TRIM22: variants seen among roughly 807,000 people sequenced by gnomAD.
The protein encoded by TRIM22 is E3 ubiquitin-protein ligase TRIM22.
Under a neutral mutation model 53.6 loss-of-function variants are expected in TRIM22, and 45 were observed. The observed-to-expected ratio is 0.84, with a 90% confidence interval of 0.66 to 1.08. The LOEUF (loss-of-function observed/expected upper bound fraction) is 1.08, where lower values mean the gene tolerates loss of function less well. Among genes scored for constraint, TRIM22 ranks in the 50% least tolerant of loss-of-function variants. The pLI, the probability that TRIM22 is intolerant of heterozygous loss-of-function variation, is 0.00. For synonymous variants in TRIM22, 225 were observed against 216.6 expected, an observed-to-expected ratio of 1.04 and a Z score of -0.34; for missense variants, 616 against 590.9, an observed-to-expected ratio of 1.04 and a Z score of -0.44.
In TRIM22 at chr11:5,708,417, T is replaced by G; in HGVS notation, c.874+144T>G. 3.1e-6 allele frequency: 3 copies of G among 974,840 alleles called. No individual in the cohort carries two copies. The South Asian group carries it at 4.8e-5, about 16-fold the overall frequency. The allele number at this position is 974,840 out of a possible 1,614,324, so 60.4% of individuals were successfully genotyped here. Reference sequence around the variant, plus strand: ...AAATCCTGTGCTGTAGATGTGGTCCTGTCTTAGGGGGAATGACCAGGTGTC... The same window carrying G: ...AAATCCTGTGCTGTAGATGTGGTCCGGTCTTAGGGGGAATGACCAGGTGTC... On this transcript the variant is annotated intron_variant, in intron 6 of 7. Transcript: ENST00000379965.
chr11:5,696,686 G>C (rs369687092), intron 2 of TRIM22, 31 bp downstream of exon 2: 128 of 1,576,094 alleles, frequency 8.1e-5, no homozygotes, highest in East Asian at 6.9e-4. Flanking sequence ...AGAGAGAGCA[G>C]AGAGCAGAAG....
intron 4 of TRIM22, 137 bp from the exon 5 acceptor site, chr11:5,706,457 G>C: frequency 1.9e-6 from 1 of 527,220 alleles, no homozygotes; most frequent in African/African-American, 2.0e-5. Flanking sequence ...TTTAGTATAA[G>C]AATATCTTAA....
intron 4 of TRIM22, among the ~76,000 whole-genome samples, chr11:5,699,466 A>G (rs4376934): frequency 0.75 from 101,335 of 135,724 alleles, 39,371 homozygotes; most frequent in African/African-American, 0.86. Flanking sequence ...GGAGCTTGCA[A>G]TGAACCGAGA....
chr11:5,708,995 A>G lies in TRIM22; in HGVS notation c.902-58A>G, dbSNP rs532909373. 54 of 1,312,072 alleles carry G rather than the reference A, an allele frequency of 4.1e-5. No homozygotes were observed. The African/African-American group carries it at 5.9e-4, about 14-fold the overall frequency. 81.3% of individuals were successfully genotyped at this position (1,312,072 alleles called of 1,614,324 possible). ...TTCATTTTCAATATGTCTCTTCTCAATGCTGTAAGACACACCTATCCCATA... is the reference window on the plus strand; with the variant it reads ...TTCATTTTCAATATGTCTCTTCTCAGTGCTGTAAGACACACCTATCCCATA... On this transcript the variant is annotated intron_variant, in intron 7 of 7. Transcript: ENST00000379965.
chr11:5,700,335 G>A (rs1039458069), intron 4 of TRIM22, among the ~76,000 whole-genome samples: 4 of 151,924 alleles, frequency 2.6e-5, no homozygotes, highest in Non-Finnish European at 4.4e-5. Flanking sequence ...GGCTGGTCTC[G>A]AACTCTTGAG....
In TRIM22 at chr11:5,695,929, A is replaced by C. The variant is rs148247325; in HGVS notation, c.-66-238A>C. On this transcript the variant is annotated intron_variant, in intron 1 of 7. Transcript: ENST00000379965. ...AGCCTCAGTTTGTCCTCTCCAGTAG[A>C]AGAGAAAATAACAATAATTGCCTTG... Among the ~76,000 whole-genome samples, 990 of 152,298 alleles carry C rather than the reference A, an allele frequency of 6.5e-3. 8 individuals carry two copies. Among genetic ancestry groups the C allele is most frequent in the Admixed American group, 9.7e-3 (149 of 15,300 alleles).
chr11:5,705,949 C>A (rs891063545), intron 4 of TRIM22, among the ~76,000 whole-genome samples: 7 of 152,268 alleles, frequency 4.6e-5, no homozygotes, highest in Middle Eastern at 3.4e-3. Flanking sequence ...GGAGGCCAGA[C>A]AAACTTTTAG....
At chr11:5,706,650 C>A (rs1853461102) in intron 5 of TRIM22, 34 bp downstream of exon 5, 2 of 1,585,794 alleles carry the variant, frequency 1.3e-6, no homozygotes, top group East Asian at 2.3e-5. Context: ...TCTTATTTGT[C>A]TGAAAAGAGA....
intron 1 of TRIM22, among the ~76,000 whole-genome samples, chr11:5,694,136 G>C (rs544250848): frequency 6.6e-6 from 1 of 152,332 alleles, no homozygotes; most frequent in African/African-American, 2.4e-5. Flanking sequence ...AAATATACTA[G>C]TTTCAAATAA....
intron 6 of TRIM22, 87 bp from the exon 7 acceptor site, chr11:5,708,490 T>C: frequency 7.5e-7 from 1 of 1,338,574 alleles, no homozygotes; most frequent in South Asian, 1.4e-5. Flanking sequence ...GTATTCCCCC[T>C]TTCCTTTCCC....
chr11:5,705,790 C>G (rs1253472776), intron 4 of TRIM22, among the ~76,000 whole-genome samples: 3 of 152,144 alleles, frequency 2.0e-5, no homozygotes, highest in African/African-American at 7.2e-5. Context: ...GATATTGACA[C>G]TATTCGGGAC....
At chr11:5,696,912 T>A (rs1401943927) in intron 2 of TRIM22, 1 of 528,532 alleles carries the variant, frequency 1.9e-6, no homozygotes, top group Non-Finnish European at 3.3e-6. Flanking sequence ...AAGCTTTCAT[T>A]GCCCCTCCAA....
At chr11:5,699,984 A>G (rs1237323181) in intron 4 of TRIM22, among the ~76,000 whole-genome samples, 1 of 151,950 alleles carries the variant, frequency 6.6e-6, no homozygotes, top group East Asian at 1.9e-4. Flanking sequence ...TGTATATTGC[A>G]ACCTTGCTAT....
chr11:5,702,111 T>C (rs575010414), intron 4 of TRIM22, among the ~76,000 whole-genome samples: 2 of 146,516 alleles, frequency 1.4e-5, no homozygotes, highest in South Asian at 4.2e-4. Flanking sequence ...TATACATAAC[T>C]AATATATATT....
At chr11:5,693,609 G>A (rs1853210396) in intron 1 of TRIM22, among the ~76,000 whole-genome samples, 1 of 150,056 alleles carries the variant, frequency 6.7e-6, no homozygotes, top group African/African-American at 2.5e-5. Context: ...TGTAGTCCCA[G>A]CTACTTGGAG....
chr11:5,707,575 C>T (rs761446014), intron 5 of TRIM22, among the ~76,000 whole-genome samples: 91 of 152,098 alleles, frequency 6.0e-4, no homozygotes, highest in Non-Finnish European at 1.2e-3. Context: ...TTTGGGAAGC[C>T]GAGGCAGGCG....
chr11:5,702,984 G>A (rs1217019621), intron 4 of TRIM22, among the ~76,000 whole-genome samples: 1 of 152,152 alleles, frequency 6.6e-6, no homozygotes, highest in Non-Finnish European at 1.5e-5. Context: ...GTTTGTGTGT[G>A]TATATTCTTT....
At chr11:5,695,909 C>T (rs958763827) in intron 1 of TRIM22, among the ~76,000 whole-genome samples, 3 of 152,126 alleles carry the variant, frequency 2.0e-5, no homozygotes, top group Admixed American at 2.0e-4. Flanking sequence ...AGAAGAGCCT[C>T]AGTTTGTCCT....
Position 5,709,513 on chromosome 11 carries a change from C to A in TRIM22, c.1362C>A (p.Val454=), listed in dbSNP as rs757725500. 6.2e-7 allele frequency: 1 copy of A among 1,614,130 alleles called. No homozygotes were observed. The highest frequency in any genetic ancestry group is 1.3e-5 in the African/African-American group (1 of 75,036). The part of the protein sequence containing the change: ...GVFLDYEAGI[V]SFFNVTNHGA... Reference sequence around the variant, plus strand: ...TCCTAGACTATGAGGCAGGCATTGTCTCATTTTTCAATGTCACAAACCACG... The same window carrying A: ...TCCTAGACTATGAGGCAGGCATTGTATCATTTTTCAATGTCACAAACCACG... The change falls in exon 8 of 8, where the codon GTC becomes GTA. Residue 454 remains valine (V), a synonymous_variant. Coordinates refer to ENST00000379965, the MANE Select transcript of TRIM22 (RefSeq NM_006074.5).
Sources: gnomAD v4.1 joint callset for allele counts (sites outside exome capture counted in the v4.1 genomes callset) on GRCh38, gnomAD v4.1.1 for gene constraint, MANE v1.5 for transcripts, NCBI Gene and HGNC (gene_info 2026-07-23, HGNC 2026-07-21) for gene names.